Variants in LYST observed in about 807,000 individuals in gnomAD.
LYST encodes the protein lysosomal trafficking regulator, also known as lysosomal-trafficking regulator.
A neutral mutation model predicts 413.6 loss-of-function variants in LYST; 192 were observed. The observed-to-expected ratio is 0.46, with a 90% CI of 0.41 to 0.52. The LOEUF is 0.52. Among genes scored for constraint, LYST ranks in the 20% least tolerant of loss-of-function variants. LYST has a pLI of 0.00. For missense variants in LYST, 3,815 were observed against 4,499.9 expected, an observed-to-expected ratio of 0.85 and a Z score of 4.35; for synonymous variants, 1,525 against 1,567.3, an observed-to-expected ratio of 0.97 and a Z score of 0.64.
intron 16 of LYST, among the ~76,000 whole-genome samples, chr1:235,779,156 C>T (rs1053520771): frequency 2.6e-5 from 4 of 152,182 alleles, no homozygotes; most frequent in East Asian, 1.9e-4. Context: ...CATGAGCCAC[C>T]GTGCCTGGCC....
At chr1:235,831,276 C>T (rs556369376) in intron 2 of LYST, among the ~76,000 whole-genome samples, 3 of 152,310 alleles carry the variant, frequency 2.0e-5, no homozygotes, top group South Asian at 2.1e-4. Context: ...GCACATATGA[C>T]TATGCCTCTT....
intron 1 of LYST, among the ~76,000 whole-genome samples, chr1:235,881,198 G>C (rs994267662): frequency 5.9e-5 from 9 of 152,180 alleles, no homozygotes; most frequent in Admixed American, 6.5e-5. Context: ...GAAGTATTTT[G>C]CCAGAGTTTA....
chr1:235,797,367 C>T (rs554170944), intron 10 of LYST, among the ~76,000 whole-genome samples: 2 of 152,254 alleles, frequency 1.3e-5, no homozygotes, highest in Admixed American at 6.5e-5. Flanking sequence ...TGATCAAGGT[C>T]AACATCAACA....
chr1:235,758,095 T>G (rs982803319), intron 23 of LYST, among the ~76,000 whole-genome samples: 1 of 152,182 alleles, frequency 6.6e-6, no homozygotes, highest in African/African-American at 2.4e-5. Context: ...CAGGTGAAAC[T>G]TCTGGAAGCT....
In LYST at chr1:235,766,104, C is replaced by G; in HGVS notation, c.6096G>C (p.Thr2032=). 1 of 1,613,128 alleles carries G rather than the reference C, an allele frequency of 6.2e-7. No individual in the cohort carries two copies. The highest frequency in any genetic ancestry group is 8.5e-7 in the Non-Finnish European group (1 of 1,179,260). The change falls in exon 21 of 53, where the codon ACG becomes ACC. Residue 2032 remains threonine (T), a synonymous_variant. Coordinates refer to ENST00000389793, the MANE Select transcript of LYST (RefSeq NM_000081.4). ...PTNTYVCHNP[T]NFYFSLHIDG... is the part of the protein sequence containing the mutation. ...CTATGTGCAAAGAAAAGTAGAAGTT[C>G]GTGGGATTGTGACAAACGTAAGTAT...
At chr1:235,708,262 C>T (rs191732444) in intron 44 of LYST, among the ~76,000 whole-genome samples, 359 of 152,276 alleles carry the variant, frequency 2.4e-3, no homozygotes, top group Non-Finnish European at 3.9e-3. Context: ...TTTAAAATTT[C>T]TCCCTGTTGC....
intron 44 of LYST, among the ~76,000 whole-genome samples, chr1:235,704,411 A>T (rs1661794525): frequency 6.6e-6 from 1 of 152,174 alleles, no homozygotes; most frequent in African/African-American, 2.4e-5. Context: ...GAACCTCGCC[A>T]GCATCTGTTA....
rs542876505 is a variant in LYST, at chr1:235,666,132, C to G, written c.11039-1511G>C. 2.0e-5 allele frequency among the ~76,000 whole-genome samples: 3 copies of G among 151,878 alleles called. No homozygotes were observed. The East Asian group carries it at 5.8e-4, about 29-fold the overall frequency. ...CCGCCAAATACCACAGATCAAAATG[C>G]CCAGTGTGTTGCAGCATTATTCACA... On this transcript the variant is annotated intron_variant, in intron 50 of 52. Coordinates refer to ENST00000389793, the MANE Select transcript of LYST (RefSeq NM_000081.4).
intron 26 of LYST, 81 bp from the exon 27 acceptor site, chr1:235,752,252 A>C: frequency 1.9e-6 from 2 of 1,052,112 alleles, no homozygotes; most frequent in Non-Finnish European, 2.9e-6. Flanking sequence ...AACTGATTTA[A>C]ATGGTTTAAA....
At chr1:235,735,360 A>G (rs1030362129) in intron 31 of LYST, 3 of 152,214 alleles carry the variant, frequency 2.0e-5, no homozygotes, top group East Asian at 1.9e-4. Flanking sequence ...CGCAAACCCC[A>G]CGCAGACAAT....
chr1:235,685,121 A>G (rs1023572307), intron 48 of LYST, among the ~76,000 whole-genome samples: 8 of 152,132 alleles, frequency 5.3e-5, no homozygotes, highest in Admixed American at 2.0e-4. Flanking sequence ...TCTGCCTGAA[A>G]TGTTCTTTCC....
At chr1:235,832,132 A>C (rs1676064164) in intron 2 of LYST, among the ~76,000 whole-genome samples, 1 of 152,214 alleles carries the variant, frequency 6.6e-6, no homozygotes, top group Non-Finnish European at 1.5e-5. Context: ...TGGTATCAGC[A>C]GAAAGTTTCA....
chr1:235,668,842 T>G (rs923463565), intron 50 of LYST, among the ~76,000 whole-genome samples: 1 of 152,208 alleles, frequency 6.6e-6, no homozygotes, highest in African/African-American at 2.4e-5. Context: ...CGCAAACTTG[T>G]ACTACCAAAG....
intron 3 of LYST, 51 bp from the exon 4 acceptor site, chr1:235,813,112 C>T (rs764104541): frequency 1.9e-6 from 2 of 1,046,606 alleles, no homozygotes; most frequent in Non-Finnish European, 3.0e-6. Context: ...TAAGACACAT[C>T]AGTTCCTAAT....
chr1:235,806,998 C>T (rs1672916355), intron 5 of LYST, among the ~76,000 whole-genome samples: 1 of 152,078 alleles, frequency 6.6e-6, no homozygotes, highest in East Asian at 1.9e-4. Flanking sequence ...ATATATGGCT[C>T]CAGCAGTATC....
At chr1:235,743,353 G>A (rs1665602876) in intron 30 of LYST, among the ~76,000 whole-genome samples, 1 of 152,056 alleles carries the variant, frequency 6.6e-6, no homozygotes, top group African/African-American at 2.4e-5. Context: ...TCTGTACTTG[G>A]TTTTGCTGTT....
Position 235,712,159 on chromosome 1 carries a change from T to C in LYST, c.9823A>G (p.Thr3275Ala). 6.3e-7 allele frequency: 1 copy of C among 1,585,068 alleles called. No homozygotes were observed. Among genetic ancestry groups the C allele is most frequent in the Non-Finnish European group, 8.6e-7 (1 of 1,161,622 alleles). The change falls in exon 43 of 53, where the codon ACA becomes GCA. Residue 3275 changes from threonine to alanine, a missense_variant. Around this residue, in one of 4 missense-constraint regions of LYST, gnomAD observed 866 missense variants for 1,156.0 expected, o/e 0.75. Coordinates refer to ENST00000389793, the MANE Select transcript of LYST (RefSeq NM_000081.4). ...FDIPDRTFHS[T>A]NTTWRLSSFE... ...GATGAGAGTCGCCAAGTTGTATTTGTAGAATGAAAAGTTCTGTCTGGAATG... is the reference window on the plus strand; with the variant it reads ...GATGAGAGTCGCCAAGTTGTATTTGCAGAATGAAAAGTTCTGTCTGGAATG...
At chr1:235,825,415 G>A (rs1422414257) in intron 3 of LYST, among the ~76,000 whole-genome samples, 1 of 152,138 alleles carries the variant, frequency 6.6e-6, no homozygotes, top group East Asian at 1.9e-4. Flanking sequence ...ATTCACAGAT[G>A]ACATCATTAT....
At chr1:235,742,651 T>C (rs1665538014) in intron 30 of LYST, among the ~76,000 whole-genome samples, 1 of 151,032 alleles carries the variant, frequency 6.6e-6, no homozygotes, top group African/African-American at 2.4e-5. Flanking sequence ...ATGAAAAAAT[T>C]ACCAAAGGCT....
Sources: allele counts gnomAD v4.1 joint callset (sites outside exome capture counted in the v4.1 genomes callset), GRCh38; gene constraint gnomAD v4.1.1; regional missense constraint gnomAD v4.1.1; transcripts MANE v1.5; gene names NCBI Gene and HGNC (gene_info 2026-07-23, HGNC 2026-07-21).